Variants in GALNT18 observed in about 807,000 individuals in gnomAD.
The protein encoded by GALNT18 is GalNAc-transferase 18.
Under a neutral mutation model 69.5 loss-of-function variants are expected in GALNT18, and 44 were observed. The ratio of observed to expected loss-of-function variants is 0.63; its 90% CI spans 0.50 to 0.81. The LOEUF is 0.81. Ranked by LOEUF, GALNT18 falls within the 40% of genes least tolerant of loss-of-function variation. The pLI is 0.00. For missense variants in GALNT18, 715 were observed against 810.0 expected (o/e 0.88, Z 1.42); for synonymous variants, 364 against 318.2 (o/e 1.14, Z -1.53).
intron 3 of GALNT18, among the ~76,000 whole-genome samples, chr11:11,392,891 G>T (rs1160577859): frequency 1.3e-5 from 2 of 152,200 alleles, no homozygotes; most frequent in African/African-American, 2.4e-5. Context: ...AAGTCATATA[G>T]CTAAGGAACA....
In GALNT18 at chr11:11,603,776, T is replaced by C. The variant is rs930941893; in HGVS notation, c.235+17583A>G. 6.6e-6 allele frequency among the ~76,000 whole-genome samples: 1 copy of C among 152,146 alleles called. No homozygotes were observed. The highest frequency in any genetic ancestry group is 1.5e-5 in the Non-Finnish European group (1 of 68,032). On this transcript the variant is annotated intron_variant, in intron 1 of 10. Transcript: ENST00000227756. This position sits in a 1 kb window ranked among gnomAD's most constrained non-coding sequence, Gnocchi z 4.5. Reference sequence around the variant, plus strand: ...CAAGAGGGGAAAAGGGGGACAGAAATTACTGAAATCAGAGTTATTACAAAG... The same window carrying C: ...CAAGAGGGGAAAAGGGGGACAGAAACTACTGAAATCAGAGTTATTACAAAG...
intron 1 of GALNT18, among the ~76,000 whole-genome samples, chr11:11,513,458 C>G (rs535162634): frequency 1.9e-4 from 29 of 152,314 alleles, no homozygotes; most frequent in Non-Finnish European, 3.1e-4. Flanking sequence ...CTATCTCTTT[C>G]AAAGACGTGG....
At chr11:11,493,306 C>T (rs2133888342) in intron 1 of GALNT18, among the ~76,000 whole-genome samples, 1 of 149,902 alleles carries the variant, frequency 6.7e-6, no homozygotes, top group Admixed American at 6.6e-5. Context: ...TTTCTTGGAC[C>T]TCAGTAGGGC....
At chr11:11,559,510 G>A (rs931661637) in intron 1 of GALNT18, among the ~76,000 whole-genome samples, 1 of 152,208 alleles carries the variant, frequency 6.6e-6, no homozygotes, top group African/African-American at 2.4e-5. Context: ...TTAAGGCATG[G>A]AGAGGGATGG....
intron 6 of GALNT18, among the ~76,000 whole-genome samples, chr11:11,344,780 G>A (rs375356016): frequency 6.6e-5 from 10 of 152,160 alleles, no homozygotes; most frequent in East Asian, 5.8e-4. Context: ...GGTCAAGGAA[G>A]CAAAGACACC....
intron 10 of GALNT18, among the ~76,000 whole-genome samples, chr11:11,290,792 G>C (rs17433894): frequency 0.15 from 22,445 of 152,180 alleles, 1,970 homozygotes; most frequent in South Asian, 0.22. Flanking sequence ...TGAACCCAGA[G>C]GCCCAGCAGG....
intron 6 of GALNT18, among the ~76,000 whole-genome samples, chr11:11,354,466 C>A (rs1850485799): frequency 6.6e-6 from 1 of 152,172 alleles, no homozygotes; most frequent in South Asian, 2.1e-4. Context: ...GAACTGGTGA[C>A]TTTAGGCAAT....
In GALNT18 at chr11:11,431,487, C is replaced by T. The variant is rs1466835136; in HGVS notation, c.595+1134G>A. On this transcript the variant is annotated intron_variant, in intron 3 of 10. Coordinates refer to ENST00000227756, the MANE Select transcript of GALNT18 (RefSeq NM_198516.3). The stretch of plus-strand genomic sequence containing the variant: ...AGACTATGTTGCCTATTTGCATCCT[C>T]GATGCCTTTTCCTTTCTTCATGTCC... Among the ~76,000 whole-genome samples the T allele has an allele frequency of 5.3e-5, 8 of 152,258 alleles. No individual in the cohort carries two copies. In the South Asian group the frequency reaches 8.3e-4, roughly 16 times the overall value.
rs142045604 is a variant in GALNT18 at position 11,284,224 on chromosome 11, C to T, written c.1677+8805G>A. ...GAGGAGCAGATCCCAGGTTATTACA[C>T]AGCCAAGCATCTTTCTGCCTCAGTT... On this transcript the variant is annotated intron_variant, in intron 10 of 10. Coordinates refer to ENST00000227756, the MANE Select transcript of GALNT18 (RefSeq NM_198516.3). 2.2e-3 allele frequency among the ~76,000 whole-genome samples: 328 copies of T among 152,344 alleles called. 5 individuals are homozygous for T. The highest frequency in any genetic ancestry group is 7.4e-3 in the African/African-American group (307 of 41,572).
At chr11:11,588,712 A>C (rs564032452) in intron 1 of GALNT18, among the ~76,000 whole-genome samples, 56 of 152,304 alleles carry the variant, frequency 3.7e-4, no homozygotes, top group African/African-American at 1.3e-3. Context: ...CAAACAGGTA[A>C]TCTGGCTTCA....
At position 11,583,702 on chromosome 11, in the gene GALNT18, C is replaced by T. The variant is rs370254165; in HGVS notation, c.235+37657G>A. Among the ~76,000 whole-genome samples, 9 of 152,242 alleles carry T rather than the reference C, an allele frequency of 5.9e-5. No individual in the cohort carries two copies. Among genetic ancestry groups the T allele is most frequent in the African/African-American group, 2.2e-4 (9 of 41,556 alleles). On this transcript the variant is annotated intron_variant, in intron 1 of 10. Transcript: ENST00000227756. The surrounding 1 kb of genome is among the most constrained non-coding windows in gnomAD (Gnocchi z 4.7). Reference sequence around the variant, plus strand: ...CACCAAGATATTTCCAAAGCCCTGACCACATACGTGGTCAGGGAAAATGCT... The same window carrying T: ...CACCAAGATATTTCCAAAGCCCTGATCACATACGTGGTCAGGGAAAATGCT...
chr11:11,514,181 G>A (rs528451472), intron 1 of GALNT18, among the ~76,000 whole-genome samples: 1 of 152,344 alleles, frequency 6.6e-6, no homozygotes, highest in Admixed American at 6.5e-5. Context: ...GAAACATGAA[G>A]TCACTTATCT....
chr11:11,487,604 G>T (rs1170368107), intron 1 of GALNT18, among the ~76,000 whole-genome samples: 1 of 151,886 alleles, frequency 6.6e-6, no homozygotes, highest in Non-Finnish European at 1.5e-5. Context: ...CCTCTCATTC[G>T]AGTCCCTGCA....
At chr11:11,401,847 A>G (rs1247601079) in intron 3 of GALNT18, among the ~76,000 whole-genome samples, 1 of 152,216 alleles carries the variant, frequency 6.6e-6, no homozygotes, top group Non-Finnish European at 1.5e-5. Context: ...CAATAGATCC[A>G]TAAGCTCCGT....
chr11:11,520,420 A>C (rs957910301), intron 1 of GALNT18, among the ~76,000 whole-genome samples: 1 of 152,200 alleles, frequency 6.6e-6, no homozygotes. Context: ...AGCCACAGAC[A>C]CAGCCCCTGG....
intron 10 of GALNT18, among the ~76,000 whole-genome samples, chr11:11,289,666 C>CAG (rs1849263110): frequency 6.6e-6 from 1 of 152,154 alleles, no homozygotes; most frequent in African/African-American, 2.4e-5. Flanking sequence ...TAGGTGTGCA[C>CAG]AGGAGATGAG....
chr11:11,288,278 C>T (rs568191161), intron 10 of GALNT18, among the ~76,000 whole-genome samples: 1 of 152,214 alleles, frequency 6.6e-6, no homozygotes, highest in East Asian at 1.9e-4. Context: ...CTGCACACAA[C>T]AGACAATGGA....
intron 1 of GALNT18, among the ~76,000 whole-genome samples, chr11:11,519,529 G>A (rs543628039): frequency 1.3e-5 from 2 of 152,312 alleles, no homozygotes; most frequent in South Asian, 2.1e-4. Flanking sequence ...TGGGAAAGGT[G>A]AGGAATGGAT....
intron 9 of GALNT18, among the ~76,000 whole-genome samples, chr11:11,321,382 T>G (rs1200303081): frequency 6.6e-6 from 1 of 152,310 alleles, no homozygotes; most frequent in East Asian, 1.9e-4. Flanking sequence ...AGTTAAGAAC[T>G]GTGCAGTTAA....
Sources: allele counts gnomAD v4.1 joint callset (sites outside exome capture counted in the v4.1 genomes callset), GRCh38; gene constraint gnomAD v4.1.1; non-coding constraint Gnocchi (gnomAD v3.1); transcripts MANE v1.5; gene names NCBI Gene and HGNC (gene_info 2026-07-23, HGNC 2026-07-21).